The following PARD3B variants were observed in gnomAD, a reference collection of about 807,000 sequenced individuals.
PARD3B encodes par-3 family cell polarity regulator beta, also known as partitioning defective 3 homolog B.
Under a neutral mutation model 130.2 loss-of-function variants are expected in PARD3B, and 103 were observed. The observed-to-expected ratio is 0.79, with a 90% CI of 0.67 to 0.93. PARD3B has a LOEUF of 0.93. Among genes scored for constraint, PARD3B ranks in the 40% least tolerant of loss-of-function variants. The pLI is 0.00. For missense variants in PARD3B, 1,609 were observed against 1,499.2 expected (o/e 1.07, Z -1.21); for synonymous variants, 583 against 553.2 (o/e 1.05, Z -0.76).
At chr2:205,337,083 C>G (rs2043340792) in intron 18 of PARD3B, among the ~76,000 whole-genome samples, 1 of 151,638 alleles carries the variant, frequency 6.6e-6, no homozygotes, top group African/African-American at 2.4e-5. Flanking sequence ...TTTTGTCTTT[C>G]CCTAGACAGT....
At chr2:204,796,657 G>T (rs1394693429) in intron 2 of PARD3B, among the ~76,000 whole-genome samples, 1 of 152,184 alleles carries the variant, frequency 6.6e-6, no homozygotes, top group African/African-American at 2.4e-5. Flanking sequence ...ACAAAATTAA[G>T]ATTCATTGCA....
chr2:204,821,160 A>C (rs1170477915), intron 2 of PARD3B, among the ~76,000 whole-genome samples: 1 of 152,174 alleles, frequency 6.6e-6, no homozygotes, highest in Non-Finnish European at 1.5e-5. Flanking sequence ...CTCATCTTGT[A>C]GGTCCCATAA....
chr2:204,967,045 T>C lies in PARD3B; in HGVS notation c.394+1722T>C, dbSNP rs1575439132. ...GCTGTGGTGTGAGAAACCATTTTGCTGTGCTGCCTCTGACATGCAATTCCT... is the reference window on the plus strand; with the variant it reads ...GCTGTGGTGTGAGAAACCATTTTGCCGTGCTGCCTCTGACATGCAATTCCT... On this transcript the variant is annotated intron_variant, in intron 3 of 22. Coordinates refer to ENST00000406610, the MANE Select transcript of PARD3B (RefSeq NM_001302769.2). The surrounding 1 kb of genome is among the most constrained non-coding windows in gnomAD (Gnocchi z 4.4). Among the ~76,000 whole-genome samples, 1 of 152,344 alleles carries C rather than the reference T, an allele frequency of 6.6e-6. No homozygotes were observed. Among genetic ancestry groups the C allele is most frequent in the African/African-American group, 2.4e-5 (1 of 41,576 alleles).
At chr2:205,343,909 T>G (rs2043644110) in intron 18 of PARD3B, among the ~76,000 whole-genome samples, 1 of 152,290 alleles carries the variant, frequency 6.6e-6, no homozygotes, top group East Asian at 1.9e-4. Context: ...TAATATACTA[T>G]GTACATGGAA....
chr2:204,753,338 G>T (rs2040538155), intron 2 of PARD3B, among the ~76,000 whole-genome samples: 1 of 152,078 alleles, frequency 6.6e-6, no homozygotes, highest in Non-Finnish European at 1.5e-5. Flanking sequence ...TCCTAAATGT[G>T]TTGAAAGATT....
intron 11 of PARD3B, among the ~76,000 whole-genome samples, chr2:205,161,975 A>T (rs1468128846): frequency 6.6e-6 from 1 of 152,200 alleles, no homozygotes; most frequent in Non-Finnish European, 1.5e-5. Flanking sequence ...TTCTTGCCAG[A>T]TGTAAAACCC....
At chr2:204,683,981 G>A (rs539756467) in intron 1 of PARD3B, among the ~76,000 whole-genome samples, 12 of 152,218 alleles carry the variant, frequency 7.9e-5, no homozygotes, top group African/African-American at 2.9e-4. Flanking sequence ...TGTGCGTGAG[G>A]GAGGAATGGA....
chr2:205,040,044 A>C (rs930010175), intron 3 of PARD3B, among the ~76,000 whole-genome samples: 1 of 152,098 alleles, frequency 6.6e-6, no homozygotes, highest in Non-Finnish European at 1.5e-5. Context: ...GCTCCCTGCA[A>C]CCTCTGCCTC....
In PARD3B at chr2:204,678,256, G is replaced by A. The variant is rs931610578; in HGVS notation, c.121-7925G>A. Among the ~76,000 whole-genome samples, 1 of 152,158 alleles carries A rather than the reference G, an allele frequency of 6.6e-6. No homozygotes were observed. The highest frequency in any genetic ancestry group is 1.5e-5 in the Non-Finnish European group (1 of 68,032). ...AGGACCAAACCCAGTAACCGGGCCC[G>A]TGGTAGCAATCAGTGGTTGCCCGCA... On this transcript the variant is annotated intron_variant, in intron 1 of 22. Transcript: ENST00000406610. The surrounding 1 kb of genome is among the most constrained non-coding windows in gnomAD (Gnocchi z 4.2).
At chr2:205,493,716 TTA>T (rs2049813153) in intron 20 of PARD3B, among the ~76,000 whole-genome samples, 1 of 30,008 alleles carries the variant, frequency 3.3e-5, no homozygotes, top group Admixed American at 3.4e-4. Flanking sequence ...TTCTTTTCAT[TTA>T]TGTATGTATT....
intron 16 of PARD3B, among the ~76,000 whole-genome samples, chr2:205,290,216 A>T (rs776812313): frequency 1.3e-5 from 2 of 152,242 alleles, no homozygotes; most frequent in African/African-American, 2.4e-5. Flanking sequence ...TATTCCCCTG[A>T]GATGGGTCCT....
At chr2:204,692,668 A>C (rs1240681201) in intron 2 of PARD3B, among the ~76,000 whole-genome samples, 1 of 152,046 alleles carries the variant, frequency 6.6e-6, no homozygotes, top group Non-Finnish European at 1.5e-5. Context: ...ACTTTGGTTC[A>C]TGGGAGTTGA....
intron 2 of PARD3B, among the ~76,000 whole-genome samples, chr2:204,812,312 C>A (rs2042991985): frequency 6.6e-6 from 1 of 152,040 alleles, no homozygotes; most frequent in Admixed American, 6.5e-5. Flanking sequence ...ATTCTTGCCT[C>A]CCCAGAGGAA....
At chr2:205,583,442 A>T (rs2054077892) in intron 22 of PARD3B, among the ~76,000 whole-genome samples, 1 of 152,094 alleles carries the variant, frequency 6.6e-6, no homozygotes, top group Non-Finnish European at 1.5e-5. Flanking sequence ...AGAGATGCAC[A>T]TACTACTCTG....
At chr2:204,856,541 G>T (rs11893860) in intron 2 of PARD3B, among the ~76,000 whole-genome samples, 3 of 152,054 alleles carry the variant, frequency 2.0e-5, no homozygotes, top group African/African-American at 7.2e-5. Context: ...ACAATTTTTA[G>T]TTTGATGCAA....
At chr2:204,889,529 C>T (rs1032035176) in intron 2 of PARD3B, among the ~76,000 whole-genome samples, 4 of 152,202 alleles carry the variant, frequency 2.6e-5, no homozygotes, top group Admixed American at 1.3e-4. Flanking sequence ...AGGGGGTCCT[C>T]TTTGTGCATT....
intron 22 of PARD3B, among the ~76,000 whole-genome samples, chr2:205,565,572 G>A (rs1352248474): frequency 6.6e-6 from 1 of 152,128 alleles, no homozygotes; most frequent in Admixed American, 6.5e-5. Flanking sequence ...AGTCACTTAT[G>A]TTACCATCTT....
chr2:204,889,205 A>G (rs1289453478), intron 2 of PARD3B, among the ~76,000 whole-genome samples: 3 of 152,170 alleles, frequency 2.0e-5, no homozygotes, highest in Non-Finnish European at 4.4e-5. Context: ...TGAGCACATC[A>G]AATCTATTGC....
intron 22 of PARD3B, among the ~76,000 whole-genome samples, chr2:205,593,780 T>G (rs1319445282): frequency 6.6e-6 from 1 of 152,204 alleles, no homozygotes; most frequent in Non-Finnish European, 1.5e-5. Flanking sequence ...TGTGGAAATA[T>G]CTGCATAATG....
Sources: gnomAD v4.1 joint callset for allele counts (sites outside exome capture counted in the v4.1 genomes callset) on GRCh38, gnomAD v4.1.1 for gene constraint, Gnocchi (gnomAD v3.1) non-coding constraint, MANE v1.5 for transcripts, NCBI Gene and HGNC (gene_info 2026-07-23, HGNC 2026-07-21) for gene names.